Variants in BROX observed in about 807,000 individuals in gnomAD.
BROX encodes BRO1 domain and CAAX motif containing, also known as BRO1 domain-containing protein BROX.
Under a neutral mutation model 61.0 loss-of-function variants are expected in BROX, and 53 were observed. The ratio of observed to expected loss-of-function variants is 0.87; its 90% CI spans 0.70 to 1.09. BROX has a LOEUF of 1.09. BROX is among the 50% of genes least tolerant of loss of function. BROX has a pLI of 0.00. For synonymous variants in BROX, 152 were observed against 160.2 expected, an observed-to-expected ratio of 0.95 and a Z score of 0.38; for missense variants, 489 against 472.0, an observed-to-expected ratio of 1.04 and a Z score of -0.33.
At chr1:222,717,890 C>T (rs1656754898) in intron 2 of BROX, 1 of 152,224 alleles carries the variant, frequency 6.6e-6, no homozygotes, top group Admixed American at 6.5e-5. Context: ...ACAGCCTCTA[C>T]TCTCTTGGTG....
Position 222,730,186 on chromosome 1 carries a change from AGTT to A in BROX, c.989+10_989+12del. 1 of 1,527,196 alleles carries A rather than the reference AGTT, an allele frequency of 6.5e-7. No individual in the cohort carries two copies. Among genetic ancestry groups the A allele is most frequent in the Admixed American group, 1.9e-5 (1 of 51,750 alleles). The allele number at this position is 1,527,196 out of a possible 1,614,324, so 94.6% of individuals were successfully genotyped here. ...AGAGAAAATGGATTTATGTGAGTACAGTTTAATATTACTTTAGTAATAATATTA... is the reference window on the plus strand; with the variant it reads ...AGAGAAAATGGATTTATGTGAGTACATAATATTACTTTAGTAATAATATTA... On this transcript the variant is annotated intron_variant, in intron 11 of 12. Transcript: ENST00000340934.
chr1:222,729,694 A>G lies in BROX; in HGVS notation c.831A>G (p.Ala277=). 1 of 1,609,806 alleles carries G rather than the reference A, an allele frequency of 6.2e-7. No homozygotes were observed. Among genetic ancestry groups the G allele is most frequent in the South Asian group, 1.1e-5 (1 of 90,626 alleles). The change falls in exon 10 of 13, where the codon GCA becomes GCG. Residue 277 remains alanine (A), a synonymous_variant. Coordinates refer to ENST00000340934, the MANE Select transcript of BROX (RefSeq NM_144695.4). ...CGEAIRSLQE[A]EKLYAKAEAL... Reference sequence around the variant, plus strand: ...AAGCAATCAGGTCTCTCCAAGAAGCAGAAAAATGTAAGTTTTCCTGCCAGA... The same window carrying G: ...AAGCAATCAGGTCTCTCCAAGAAGCGGAAAAATGTAAGTTTTCCTGCCAGA...
At chr1:222,726,578 A>G (rs1657516623) in intron 7 of BROX, among the ~76,000 whole-genome samples, 1 of 152,064 alleles carries the variant, frequency 6.6e-6, no homozygotes, top group African/African-American at 2.4e-5. Flanking sequence ...TTAGCTGGGC[A>G]TGGTGGCGTA....
At chr1:222,715,131 C>CT (rs1349364719) in intron 1 of BROX, 1 of 152,156 alleles carries the variant, frequency 6.6e-6, no homozygotes, top group East Asian at 1.9e-4. Flanking sequence ...GTCCTGTGCC[C>CT]TTTTTACTTG....
intron 12 of BROX, among the ~76,000 whole-genome samples, chr1:222,731,761 A>G (rs911319924): frequency 5.3e-5 from 8 of 152,220 alleles, no homozygotes; most frequent in Non-Finnish European, 1.0e-4. Flanking sequence ...GCCTCTTTAC[A>G]ACTTGTCAGT....
At chr1:222,727,518 CT>C (rs1657599693) in intron 8 of BROX, among the ~76,000 whole-genome samples, 1 of 152,050 alleles carries the variant, frequency 6.6e-6, no homozygotes. Context: ...TTATAACAAC[CT>C]TATAGTTACT....
intron 11 of BROX, 26 bp downstream of exon 11, chr1:222,730,203 G>A: frequency 7.2e-7 from 1 of 1,385,400 alleles, no homozygotes; most frequent in South Asian, 1.4e-5. Context: ...TATTACTTTA[G>A]TAATAATATT....
intron 10 of BROX, 139 bp downstream of exon 10, chr1:222,729,840 A>G: frequency 9.3e-7 from 1 of 1,076,572 alleles, no homozygotes; most frequent in Non-Finnish European, 1.3e-6. Context: ...GAGAAAAGAA[A>G]AAAATGTTTC....
chr1:222,722,393 C>T, intron 4 of BROX, 26 bp from the exon 5 acceptor site: 1 of 1,574,000 alleles, frequency 6.4e-7, no homozygotes. Flanking sequence ...ATTGACAGAA[C>T]TTAATGATCA....
At chr1:222,714,785 G>A (rs2124990211) in intron 1 of BROX, among the ~76,000 whole-genome samples, 1 of 151,436 alleles carries the variant, frequency 6.6e-6, no homozygotes, top group East Asian at 2.0e-4. Context: ...TCACCATGTT[G>A]CCCAAGCTAG....
At chr1:222,730,404 TG>T (rs1378837526) in intron 11 of BROX, among the ~76,000 whole-genome samples, 2 of 152,078 alleles carry the variant, frequency 1.3e-5, no homozygotes, top group Non-Finnish European at 2.9e-5. Flanking sequence ...GAGACCAGCC[TG>T]GGCAACATGG....
Position 222,727,257 on chromosome 1 carries a change from G to C in BROX, c.670G>C (p.Asp224His). 1 of 1,598,156 alleles carries C rather than the reference G, an allele frequency of 6.3e-7. No homozygotes were observed. The highest frequency in any genetic ancestry group is 8.6e-7 in the Non-Finnish European group (1 of 1,166,106). ...YETANFYQKA[D>H]HTLSSLEPAY... is the part of the protein sequence containing the mutation. ...AACAGCCAATTTCTATCAAAAAGCT[G>C]GTAAGCTTCTAATTCTGTCGTTACA... Residue 224 changes from aspartate to histidine, a missense_variant and splice_region_variant, in exon 8 of 13, where the codon GAT becomes CAT. By Grantham distance (81) the Asp-to-His change is moderately conservative (BLOSUM62 -1). Coordinates refer to ENST00000340934, the MANE Select transcript of BROX (RefSeq NM_144695.4).
chr1:222,717,792 G>T (rs993378837), intron 2 of BROX: 1 of 152,150 alleles, frequency 6.6e-6, no homozygotes, highest in Non-Finnish European at 1.5e-5. Flanking sequence ...AATCTCAAAA[G>T]AAAATATTTG....
At chr1:222,714,882 A>G (rs1365313721) in intron 1 of BROX, among the ~76,000 whole-genome samples, 2 of 152,030 alleles carry the variant, frequency 1.3e-5, no homozygotes, top group East Asian at 1.9e-4. Flanking sequence ...GCCCAGCCCA[A>G]TGTTTTCATT....
chr1:222,720,605 AG>A (rs764011883), intron 4 of BROX, among the ~76,000 whole-genome samples: 2 of 152,116 alleles, frequency 1.3e-5, no homozygotes, highest in Non-Finnish European at 2.9e-5. Flanking sequence ...TGAGTTCAGG[AG>A]TTTGAGACCA....
intron 7 of BROX, among the ~76,000 whole-genome samples, chr1:222,726,228 G>T (rs1037440588): frequency 6.6e-6 from 1 of 152,130 alleles, no homozygotes; most frequent in Non-Finnish European, 1.5e-5. Context: ...AAACAATTAA[G>T]AAACTTTGTA....
rs1382005736 is a variant in BROX, at chr1:222,712,789, G to C, written c.-170G>C. ...CGCCTCGGTAGCTATCATGGCCGCC[G>C]GGTCACGTGACTCCGGCTTGGCGCC... On this transcript the variant is annotated 5_prime_UTR_variant, in exon 1 of 13. Transcript: ENST00000340934. 3.1e-6 allele frequency: 4 copies of C among 1,289,208 alleles called. No homozygotes were observed. The highest frequency in any genetic ancestry group is 4.0e-6 in the Non-Finnish European group (4 of 988,816). The allele number at this position is 1,289,208 out of a possible 1,614,324, so 79.9% of individuals were successfully genotyped here.
rs1394670032 is a variant in BROX, at chr1:222,732,961, T to C, written c.*247T>C. The stretch of plus-strand genomic sequence containing the variant: ...TTTATTGTGCCTCTAAAGGGTATAT[T>C]TGGGGGTTGGGTCTTTTTGTTAAAC... On this transcript the variant is annotated 3_prime_UTR_variant, in exon 13 of 13. Coordinates refer to ENST00000340934, the MANE Select transcript of BROX (RefSeq NM_144695.4). 4 of 411,180 alleles carry C rather than the reference T, an allele frequency of 9.7e-6. No homozygotes were observed. Among genetic ancestry groups the C allele is most frequent in the Non-Finnish European group, 1.7e-5 (4 of 232,946 alleles). The allele number at this position is 411,180 out of a possible 1,614,324, so 25.5% of individuals were successfully genotyped here. A position where few individuals can be genotyped will look rare whatever the true frequency, so the allele number is the denominator to read the frequency against.
In BROX at chr1:222,719,042, T is replaced by C; in HGVS notation, c.208+11T>C. 6.3e-7 allele frequency: 1 copy of C among 1,592,630 alleles called. No homozygotes were observed. The highest frequency in any genetic ancestry group is 8.6e-7 in the Non-Finnish European group (1 of 1,167,832). On this transcript the variant is annotated intron_variant, in intron 3 of 12. Transcript: ENST00000340934. ...TCTCACTTTTACAAGGTTAGTTATT[T>C]ATATGAACTTGAGGTTTTTTAAAAA...
Sources: gnomAD v4.1 joint callset for allele counts (sites outside exome capture counted in the v4.1 genomes callset) on GRCh38, gnomAD v4.1.1 for gene constraint, MANE v1.5 for transcripts, NCBI Gene and HGNC (gene_info 2026-07-23, HGNC 2026-07-21) for gene names.